NTRK2: variants seen among roughly 807,000 people sequenced by gnomAD.
NTRK2 encodes neurotrophic receptor tyrosine kinase 2.
NTRK2 carries 13 observed loss-of-function variants against 94.5 expected under a neutral mutation model. The ratio of observed to expected loss-of-function variants is 0.14; its 90% CI spans 0.09 to 0.22. The LOEUF (loss-of-function observed/expected upper bound fraction) is 0.22, where lower values mean the gene tolerates loss of function less well. Ranked by LOEUF, NTRK2 falls within the 10% of genes least tolerant of loss-of-function variation. The pLI, the probability that NTRK2 is intolerant of heterozygous loss-of-function variation, is 1.00. For missense variants in NTRK2, 639 were observed against 1,071.2 expected, an observed-to-expected ratio of 0.60 and a Z score of 5.63; for synonymous variants, 372 against 407.4, an observed-to-expected ratio of 0.91 and a Z score of 1.05.
At chr9:84,810,964 A>T (rs2071713849) in intron 12 of NTRK2, 2 of 1,125,204 alleles carry the variant, frequency 1.8e-6, no homozygotes, top group Non-Finnish European at 1.1e-6. Context: ...TCTGTTTATT[A>T]AAATTGACCT....
intron 4 of NTRK2, among the ~76,000 whole-genome samples, chr9:84,705,156 A>G (rs1034318721): frequency 6.6e-6 from 1 of 151,570 alleles, no homozygotes; most frequent in Non-Finnish European, 1.5e-5. Flanking sequence ...TTCGGGTTTT[A>G]GGGAAATTTA....
At chr9:84,875,975 A>G in intron 14 of NTRK2, 1 of 1,038,830 alleles carries the variant, frequency 9.6e-7, no homozygotes, top group Non-Finnish European at 1.2e-6. Flanking sequence ...AACCAAAGGC[A>G]GGGGGGAATC....
At position 84,935,772 on chromosome 9, in the gene NTRK2, TTTTG is replaced by T. The variant is rs201661343; in HGVS notation, c.1764+1486_1764+1489del. ...CTTCCTCTTTTACTTACTCAAAAAG[TTTTG>T]TTTGTCATTGTTTAGCACAAAATGT... On this transcript the variant is annotated intron_variant, in intron 15 of 18. Coordinates refer to ENST00000277120, the MANE Select transcript of NTRK2 (RefSeq NM_006180.6). Among the ~76,000 whole-genome samples, 1,243 of 152,274 alleles carry T rather than the reference TTTTG, an allele frequency of 8.2e-3. 13 individuals are homozygous for T. Among genetic ancestry groups the T allele is most frequent in the African/African-American group, 0.028 (1,173 of 41,554 alleles).
chr9:84,989,879 GT>G (rs1828830385), intron 17 of NTRK2, among the ~76,000 whole-genome samples: 1 of 152,136 alleles, frequency 6.6e-6, no homozygotes. Flanking sequence ...TCTCCTGAGA[GT>G]TTTTTCAAAC....
chr9:84,871,798 G>T (rs1364198463), intron 14 of NTRK2: 7 of 1,613,700 alleles, frequency 4.3e-6, no homozygotes, highest in Admixed American at 1.7e-5. Flanking sequence ...GGGCCCAGAG[G>T]TTCCCCCAAG....
chr9:84,970,008 T>C (rs780685705), intron 17 of NTRK2, among the ~76,000 whole-genome samples: 5 of 152,236 alleles, frequency 3.3e-5, no homozygotes, highest in Non-Finnish European at 5.9e-5. Context: ...CCAGATTTTC[T>C]GGGTTCAAAT....
chr9:84,874,324 T>G, intron 14 of NTRK2: 1 of 1,065,208 alleles, frequency 9.4e-7, no homozygotes. Context: ...TTCTTGGATG[T>G]GAGGCTCAAT....
At chr9:84,928,448 A>G (rs990918681) in intron 14 of NTRK2, among the ~76,000 whole-genome samples, 3 of 152,256 alleles carry the variant, frequency 2.0e-5, no homozygotes, top group African/African-American at 7.2e-5. Flanking sequence ...GATGATAAAC[A>G]TGAGTGTTTC....
At chr9:84,790,760 C>A (rs2068642036) in intron 12 of NTRK2, among the ~76,000 whole-genome samples, 1 of 152,140 alleles carries the variant, frequency 6.6e-6, no homozygotes. Context: ...GGGAAATCTA[C>A]CACAAAATTT....
chr9:84,836,441 C>T (rs572958762), intron 12 of NTRK2, among the ~76,000 whole-genome samples: 1 of 151,844 alleles, frequency 6.6e-6, no homozygotes, highest in African/African-American at 2.4e-5. Flanking sequence ...GGCAAGAACC[C>T]ACCAGGTACT....
In NTRK2 at chr9:85,025,930, G is replaced by C. The variant is rs1180174388; in HGVS notation, c.*4493G>C. ...GAATGAGGGGTGGGAGGGATTTATA[G>C]TTAGAAACGACAGTGCAGGAAGGGG... On this transcript the variant is annotated 3_prime_UTR_variant, in exon 19 of 19. Transcript: ENST00000277120. 1 of 232,242 alleles carries C rather than the reference G, an allele frequency of 4.3e-6. No individual in the cohort carries two copies. The highest frequency in any genetic ancestry group is 2.2e-5 in the African/African-American group (1 of 45,290). 14.4% of individuals were successfully genotyped at this position (232,242 alleles called of 1,614,324 possible).
At chr9:84,914,721 T>C (rs1378815920) in intron 14 of NTRK2, among the ~76,000 whole-genome samples, 1 of 152,180 alleles carries the variant, frequency 6.6e-6, no homozygotes, top group African/African-American at 2.4e-5. Flanking sequence ...GTCAGAATTT[T>C]TCTGGGGATT....
chr9:84,830,814 G>A (rs1308467676), intron 12 of NTRK2, among the ~76,000 whole-genome samples: 9 of 151,892 alleles, frequency 5.9e-5, no homozygotes, highest in Non-Finnish European at 1.2e-4. Flanking sequence ...TACTGGCATT[G>A]TATTTTTTAA....
intron 17 of NTRK2, among the ~76,000 whole-genome samples, chr9:84,990,642 C>G (rs1210061136): frequency 1.3e-5 from 2 of 152,132 alleles, no homozygotes; most frequent in African/African-American, 2.4e-5. Flanking sequence ...CACGTTGGTT[C>G]CAAAGAGAAC....
chr9:84,776,675 A>G (rs536462299), intron 12 of NTRK2, among the ~76,000 whole-genome samples: 6 of 152,238 alleles, frequency 3.9e-5, no homozygotes, highest in African/African-American at 1.4e-4. Flanking sequence ...TTTACACAGC[A>G]TGTGGCATGA....
At chr9:84,903,195 C>G (rs1355816221) in intron 14 of NTRK2, among the ~76,000 whole-genome samples, 1 of 152,232 alleles carries the variant, frequency 6.6e-6, no homozygotes, top group African/African-American at 2.4e-5. Flanking sequence ...ATTTCCATCA[C>G]TGCAGAAAGG....
intron 15 of NTRK2, among the ~76,000 whole-genome samples, chr9:84,945,022 C>A (rs1178745785): frequency 1.3e-5 from 2 of 152,192 alleles, no homozygotes; most frequent in African/African-American, 2.4e-5. Context: ...TAAGCTAGAA[C>A]CCCTTCCGTT....
At chr9:84,694,672 A>G (rs2060252625) in intron 2 of NTRK2, among the ~76,000 whole-genome samples, 1 of 151,918 alleles carries the variant, frequency 6.6e-6, no homozygotes, top group Admixed American at 6.6e-5. Flanking sequence ...GGATTATTCT[A>G]CTCCCTATGA....
chr9:84,918,924 A>G (rs901873049), intron 14 of NTRK2, among the ~76,000 whole-genome samples: 1 of 152,188 alleles, frequency 6.6e-6, no homozygotes, highest in African/African-American at 2.4e-5. Context: ...ACCAGATGAT[A>G]TGCTATTTAG....
Sources: gnomAD v4.1 joint callset for allele counts (sites outside exome capture counted in the v4.1 genomes callset) on GRCh38, gnomAD v4.1.1 for gene constraint, MANE v1.5 for transcripts, NCBI Gene and HGNC (gene_info 2026-07-23, HGNC 2026-07-21) for gene names.